SORCS1: variants seen among roughly 807,000 people sequenced by gnomAD.
The protein encoded by SORCS1 is VPS10 domain-containing receptor SorCS1.
In SORCS1, 60 loss-of-function variants were observed where a neutral mutation model predicts 146.1. That is an observed-to-expected ratio of 0.41 (90% confidence interval 0.33 to 0.51). SORCS1 has a LOEUF of 0.51. Among genes scored for constraint, SORCS1 ranks in the 20% least tolerant of loss-of-function variants. SORCS1 has a pLI of 0.21. For synonymous variants in SORCS1, 637 were observed against 584.0 expected (o/e 1.09, Z -1.31); for missense variants, 1,352 against 1,487.6 (o/e 0.91, Z 1.50).
intron 1 of SORCS1, among the ~76,000 whole-genome samples, chr10:107,042,768 C>G (rs372688250): frequency 1.1e-4 from 16 of 152,198 alleles, no homozygotes; most frequent in African/African-American, 3.9e-4. Context: ...TGCCACCACA[C>G]CTGACTAATT....
intron 3 of SORCS1, among the ~76,000 whole-genome samples, chr10:106,823,494 G>C (rs1035458148): frequency 2.6e-5 from 4 of 152,142 alleles, no homozygotes; most frequent in African/African-American, 9.7e-5. Flanking sequence ...TTTCAGCCTA[G>C]GAGTCCAAAA....
intron 1 of SORCS1, among the ~76,000 whole-genome samples, chr10:106,967,668 C>T (rs1379806484): frequency 2.6e-5 from 4 of 152,090 alleles, no homozygotes; most frequent in African/African-American, 9.7e-5. Flanking sequence ...GCATATCTTG[C>T]GCAAGCCCAT....
chr10:106,612,037 A>G lies in SORCS1; in HGVS notation c.2921-14T>C. 2 of 1,578,622 alleles carry G rather than the reference A, an allele frequency of 1.3e-6. No homozygotes were observed. Among genetic ancestry groups the G allele is most frequent in the Non-Finnish European group, 1.7e-6 (2 of 1,147,788 alleles). ...ACCGGAATTCCTCTGGGGATATAAC[A>G]GTAGATGGAGTACTATAAGTCAAAT... is the stretch of plus-strand genomic sequence containing the variant. On this transcript the variant is annotated splice_polypyrimidine_tract_variant and intron_variant, in intron 21 of 25. Transcript: ENST00000263054.
intron 1 of SORCS1, among the ~76,000 whole-genome samples, chr10:107,142,923 C>T (rs905354744): frequency 6.6e-6 from 1 of 152,184 alleles, no homozygotes; most frequent in African/African-American, 2.4e-5. Context: ...TAGCACAGGC[C>T]TCCCTGTATG....
chr10:106,893,020 G>A (rs1316645174), intron 2 of SORCS1, among the ~76,000 whole-genome samples: 2 of 150,492 alleles, frequency 1.3e-5, no homozygotes, highest in African/African-American at 2.4e-5. Flanking sequence ...TCAGCCTCCC[G>A]AGTAGCTGGG....
chr10:107,068,562 A>G (rs577612235), intron 1 of SORCS1, among the ~76,000 whole-genome samples: 233 of 152,256 alleles, frequency 1.5e-3, no homozygotes, highest in South Asian at 8.9e-3. Flanking sequence ...GCTATAATCT[A>G]TTTCAGAAAG....
chr10:107,111,774 T>C (rs939833108), intron 1 of SORCS1, among the ~76,000 whole-genome samples: 1 of 152,124 alleles, frequency 6.6e-6, no homozygotes, highest in African/African-American at 2.4e-5. Flanking sequence ...CCAGGACACA[T>C]TATAAATGAA....
chr10:106,982,989 G>C, intron 1 of SORCS1, among the ~76,000 whole-genome samples: 1 of 151,422 alleles, frequency 6.6e-6, no homozygotes, highest in East Asian at 1.9e-4. Context: ...TTTAATAACT[G>C]TTGATCAAAT....
intron 24 of SORCS1, among the ~76,000 whole-genome samples, chr10:106,587,418 T>C (rs979730107): frequency 1.3e-5 from 2 of 152,266 alleles, no homozygotes; most frequent in Non-Finnish European, 2.9e-5. Context: ...TCCATAATGT[T>C]GTGGCTGAGA....
In SORCS1 at chr10:106,897,386, G is replaced by T. The variant is rs186914658; in HGVS notation, c.626+59127C>A. The stretch of plus-strand genomic sequence containing the variant: ...ATGACAAAGGTTTTTAGAATTTATT[G>T]TCCATGATCAATTTGCTGTTGCCTT... On this transcript the variant is annotated intron_variant, in intron 2 of 25. Transcript: ENST00000263054. 1.9e-3 allele frequency among the ~76,000 whole-genome samples: 287 copies of T among 152,180 alleles called. 5 individuals carry two copies. Among genetic ancestry groups the T allele is most frequent in the African/African-American group, 6.7e-3 (280 of 41,504 alleles).
At chr10:106,688,410 AG>A in intron 9 of SORCS1, 72 bp from the exon 10 acceptor site, 1 of 1,545,042 alleles carries the variant, frequency 6.5e-7, no homozygotes, top group East Asian at 2.3e-5. Flanking sequence ...TTTTAAAAAA[AG>A]AAGGCTGTCA....
chr10:106,909,599 G>C (rs1397619274), intron 2 of SORCS1, among the ~76,000 whole-genome samples: 1 of 151,954 alleles, frequency 6.6e-6, no homozygotes, highest in African/African-American at 2.4e-5. Context: ...TGTCTAAGTA[G>C]GGGGTGGTGG....
At chr10:106,861,425 C>A (rs1281055616) in intron 2 of SORCS1, among the ~76,000 whole-genome samples, 2 of 148,650 alleles carry the variant, frequency 1.3e-5, no homozygotes, top group Non-Finnish European at 3.0e-5. Flanking sequence ...AAAGAATATG[C>A]GAAAATAAAT....
intron 1 of SORCS1, among the ~76,000 whole-genome samples, chr10:107,095,285 T>A (rs921967795): frequency 2.0e-5 from 3 of 152,146 alleles, no homozygotes; most frequent in Non-Finnish European, 4.4e-5. Flanking sequence ...ATCTGTCTCA[T>A]CTACAGTTGC....
At chr10:106,988,419 T>G (rs2139433097) in intron 1 of SORCS1, among the ~76,000 whole-genome samples, 1 of 152,300 alleles carries the variant, frequency 6.6e-6, no homozygotes, top group South Asian at 2.1e-4. Context: ...TAGTTGGAAT[T>G]AGAGGGTTGA....
At chr10:106,835,812 C>A (rs1386744543) in intron 2 of SORCS1, among the ~76,000 whole-genome samples, 1 of 151,728 alleles carries the variant, frequency 6.6e-6, no homozygotes, top group African/African-American at 2.4e-5. Context: ...TTGAGACCAA[C>A]CTGACCAACA....
chr10:106,912,155 T>C (rs1208806999), intron 2 of SORCS1, among the ~76,000 whole-genome samples: 1 of 150,760 alleles, frequency 6.6e-6, no homozygotes, highest in Admixed American at 6.6e-5. Flanking sequence ...AAAAGGCTGC[T>C]CAGAAGTAAA....
intron 1 of SORCS1, among the ~76,000 whole-genome samples, chr10:107,118,754 A>T (rs912231596): frequency 6.6e-6 from 1 of 152,184 alleles, no homozygotes. Context: ...TGTCAGAATA[A>T]CCATATACTG....
chr10:106,866,089 C>T (rs1010911847), intron 2 of SORCS1, among the ~76,000 whole-genome samples: 2 of 151,956 alleles, frequency 1.3e-5, no homozygotes, highest in African/African-American at 2.4e-5. Flanking sequence ...TATCTCCTCA[C>T]TGGCCACCCC....
Sources: gnomAD v4.1 joint callset for allele counts (sites outside exome capture counted in the v4.1 genomes callset) on GRCh38, gnomAD v4.1.1 for gene constraint, MANE v1.5 for transcripts, NCBI Gene and HGNC (gene_info 2026-07-23, HGNC 2026-07-21) for gene names.